The following AP3S1 variants were observed in gnomAD, a reference collection of about 807,000 sequenced individuals.
AP3S1 encodes the protein adaptor related protein complex 3 subunit sigma 1.
Under a neutral mutation model 21.3 loss-of-function variants are expected in AP3S1, and 12 were observed. The ratio of observed to expected loss-of-function variants is 0.56; its 90% CI spans 0.36 to 0.91. The LOEUF (loss-of-function observed/expected upper bound fraction) is 0.91, where lower values mean the gene tolerates loss of function less well. Among genes scored for constraint, AP3S1 ranks in the 40% least tolerant of loss-of-function variants. AP3S1 has a pLI of 0.01. For missense variants in AP3S1, 116 were observed against 225.0 expected, an observed-to-expected ratio of 0.52 and a Z score of 3.10; for synonymous variants, 48 against 78.4, an observed-to-expected ratio of 0.61 and a Z score of 2.05.
intron 1 of AP3S1, among the ~76,000 whole-genome samples, chr5:115,851,998 A>G (rs1480899309): frequency 6.6e-6 from 1 of 152,056 alleles, no homozygotes; most frequent in Non-Finnish European, 1.5e-5. Flanking sequence ...TAAATAAGAG[A>G]ATGGTTGTGG....
chr5:115,889,024 A>C (rs1011610461), intron 3 of AP3S1, among the ~76,000 whole-genome samples: 2 of 152,172 alleles, frequency 1.3e-5, no homozygotes, highest in African/African-American at 4.8e-5. Flanking sequence ...CCTGGTTTCA[A>C]AGCATGTATC....
chr5:115,888,768 TTTTCTA>T (rs1192696615), intron 3 of AP3S1, among the ~76,000 whole-genome samples: 1 of 152,146 alleles, frequency 6.6e-6, no homozygotes, highest in Non-Finnish European at 1.5e-5. Context: ...AGAATTATAA[TTTTCTA>T]TTTCTATTTT....
chr5:115,867,251 C>T (rs2112830282), intron 2 of AP3S1, among the ~76,000 whole-genome samples: 1 of 152,202 alleles, frequency 6.6e-6, no homozygotes, highest in East Asian at 1.9e-4. Flanking sequence ...CTAGGACAAG[C>T]TTATTCTTTT....
At chr5:115,884,761 A>G (rs11241338) in intron 3 of AP3S1, among the ~76,000 whole-genome samples, 4,634 of 152,310 alleles carry the variant, frequency 0.03, 260 homozygotes, top group African/African-American at 0.11. Flanking sequence ...TCACATCATA[A>G]TTTCTGTTAC....
intron 3 of AP3S1, among the ~76,000 whole-genome samples, chr5:115,877,347 C>T (rs1748816382): frequency 6.6e-6 from 1 of 152,094 alleles, no homozygotes; most frequent in Admixed American, 6.5e-5. Flanking sequence ...GCTATCCCTC[C>T]CCTAGCCCTC....
intron 2 of AP3S1, among the ~76,000 whole-genome samples, chr5:115,868,138 T>C (rs1270211873): frequency 6.6e-6 from 1 of 152,220 alleles, no homozygotes; most frequent in Non-Finnish European, 1.5e-5. Context: ...GTCAGTATTA[T>C]ACTATAGCTT....
intron 1 of AP3S1, among the ~76,000 whole-genome samples, chr5:115,852,025 A>G (rs1366804217): frequency 6.6e-6 from 1 of 152,130 alleles, no homozygotes; most frequent in Non-Finnish European, 1.5e-5. Flanking sequence ...ACATACAAAG[A>G]CTTAGTAACT....
chr5:115,865,086 C>A (rs1051143390), intron 1 of AP3S1, among the ~76,000 whole-genome samples: 1 of 151,768 alleles, frequency 6.6e-6, no homozygotes, highest in African/African-American at 2.4e-5. Context: ...AGTATGCCTG[C>A]CTCTCCAGCC....
intron 3 of AP3S1, among the ~76,000 whole-genome samples, chr5:115,870,407 A>G (rs1328536452): frequency 6.6e-6 from 1 of 152,150 alleles, no homozygotes; most frequent in East Asian, 1.9e-4. Flanking sequence ...ATGTATCCAA[A>G]ACTAACCCTA....
intron 1 of AP3S1, among the ~76,000 whole-genome samples, chr5:115,856,137 G>A (rs1762782553): frequency 6.6e-6 from 1 of 152,148 alleles, no homozygotes; most frequent in Non-Finnish European, 1.5e-5. Context: ...GACTTCGGTT[G>A]TGAAACTATA....
chr5:115,882,736 A>G lies in AP3S1; in HGVS notation c.274-12351A>G, dbSNP rs141766931. Reference sequence around the variant, plus strand: ...ATCAGAGCTCGAGCACTGTGCTGGGAGATCTGCTGCTCTATTCAGAGCTGG... The same window carrying G: ...ATCAGAGCTCGAGCACTGTGCTGGGGGATCTGCTGCTCTATTCAGAGCTGG... On this transcript the variant is annotated intron_variant, in intron 3 of 5. Coordinates refer to ENST00000316788, the MANE Select transcript of AP3S1 (RefSeq NM_001284.4). 2.7e-3 allele frequency among the ~76,000 whole-genome samples: 415 copies of G among 152,322 alleles called. 1 individual carries two copies. Among genetic ancestry groups the G allele is most frequent in the African/African-American group, 9.1e-3 (380 of 41,590 alleles).
chr5:115,889,792 A>G (rs561404449), intron 3 of AP3S1, among the ~76,000 whole-genome samples: 2 of 151,308 alleles, frequency 1.3e-5, no homozygotes, highest in African/African-American at 4.9e-5. Flanking sequence ...CCTGGGCAAC[A>G]TAGTGAAACC....
chr5:115,872,023 A>C (rs1748307453), intron 3 of AP3S1, among the ~76,000 whole-genome samples: 1 of 152,178 alleles, frequency 6.6e-6, no homozygotes, highest in Non-Finnish European at 1.5e-5. Context: ...TTAAAAATAA[A>C]AACATTGTGG....
chr5:115,879,628 A>G (rs1053237629), intron 3 of AP3S1, among the ~76,000 whole-genome samples: 6 of 152,182 alleles, frequency 3.9e-5, no homozygotes, highest in South Asian at 2.1e-4. Context: ...TTTCGCATCA[A>G]TGTTCATCAG....
chr5:115,867,250 GC>G (rs1763709060), intron 2 of AP3S1, among the ~76,000 whole-genome samples: 1 of 152,066 alleles, frequency 6.6e-6, no homozygotes, highest in African/African-American at 2.4e-5. Flanking sequence ...TCTAGGACAA[GC>G]TTATTCTTTT....
intron 1 of AP3S1, among the ~76,000 whole-genome samples, chr5:115,866,258 A>G (rs996131057): frequency 5.9e-5 from 9 of 152,230 alleles, no homozygotes; most frequent in South Asian, 2.1e-4. Context: ...TGGAAGCTCC[A>G]TAGTTCTATT....
At chr5:115,902,119 C>G (rs1030457987) in intron 4 of AP3S1, among the ~76,000 whole-genome samples, 2 of 152,146 alleles carry the variant, frequency 1.3e-5, no homozygotes, top group Non-Finnish European at 2.9e-5. Context: ...AGTCTGTATT[C>G]ATACTTATCT....
At position 115,849,904 on chromosome 5, in the gene AP3S1, AC is replaced by A. The variant is rs752915145; in HGVS notation, c.69+7799del. ...AGGGCCCCTGTCTTCTAAAAAAAAAACAAAAACAAAGGAAACAAAAAACATG... is the reference window on the plus strand; with the variant it reads ...AGGGCCCCTGTCTTCTAAAAAAAAAAAAAAACAAAGGAAACAAAAAACATG... On this transcript the variant is annotated intron_variant, in intron 1 of 5. Transcript: ENST00000316788. 6.6e-4 allele frequency among the ~76,000 whole-genome samples: 100 copies of A among 152,208 alleles called. No individual in the cohort carries two copies. The Middle Eastern group carries it at 0.014, about 21-fold the overall frequency.
chr5:115,867,509 T>G (rs1747796757), intron 2 of AP3S1, among the ~76,000 whole-genome samples: 1 of 152,174 alleles, frequency 6.6e-6, no homozygotes, highest in Non-Finnish European at 1.5e-5. Context: ...TTTCTGTATT[T>G]TACTGTGTAT....
Sources: allele counts gnomAD v4.1 joint callset (sites outside exome capture counted in the v4.1 genomes callset), GRCh38; gene constraint gnomAD v4.1.1; transcripts MANE v1.5; gene names NCBI Gene and HGNC (gene_info 2026-07-23, HGNC 2026-07-21).